Variants in CFAP58 observed in about 807,000 individuals in gnomAD.
The protein encoded by CFAP58 is cilia and flagella associated protein 58, also known as cilia- and flagella-associated protein 58.
A neutral mutation model predicts 119.5 loss-of-function variants in CFAP58; 88 were observed. The ratio of observed to expected loss-of-function variants is 0.74; its 90% confidence interval spans 0.62 to 0.88. The LOEUF (loss-of-function observed/expected upper bound fraction) is 0.88. Ranked by LOEUF, CFAP58 falls within the 40% of genes least tolerant of loss-of-function variation. The pLI is 0.00. For synonymous variants in CFAP58, 365 were observed against 366.3 expected, an observed-to-expected ratio of 1.00 and a Z score of 0.04; for missense variants, 990 against 1,021.2, an observed-to-expected ratio of 0.97 and a Z score of 0.42.
rs1408903631 is a variant in CFAP58 at position 104,454,807 on chromosome 10, C to A, written c.*277C>A. 3 of 324,586 alleles carry A rather than the reference C, an allele frequency of 9.2e-6. No homozygotes were observed. Among genetic ancestry groups the A allele is most frequent in the South Asian group, 1.4e-4 (2 of 13,850 alleles). The allele number at this position is 324,586 out of a possible 1,614,324, so 20.1% of individuals were successfully genotyped here. A position where few individuals can be genotyped will look rare whatever the true frequency, so the allele number is the denominator to read the frequency against. ...ACCCCATTGATTGAAATGTACTAGA[C>A]CTTAATTTCTTTATTACAGACATTG... On this transcript the variant is annotated 3_prime_UTR_variant, in exon 18 of 18. Coordinates refer to ENST00000369704, the MANE Select transcript of CFAP58 (RefSeq NM_001008723.2).
intron 5 of CFAP58, among the ~76,000 whole-genome samples, chr10:104,366,531 T>C (rs1210643284): frequency 6.6e-6 from 1 of 152,254 alleles, no homozygotes; most frequent in Non-Finnish European, 1.5e-5. Context: ...ATATTCTGTT[T>C]GTGAGATATA....
intron 9 of CFAP58, among the ~76,000 whole-genome samples, chr10:104,381,501 C>G (rs1334155160): frequency 6.6e-6 from 1 of 152,158 alleles, no homozygotes; most frequent in Non-Finnish European, 1.5e-5. Flanking sequence ...CATTTAATCA[C>G]CTTTTCTCCC....
At chr10:104,439,964 C>T (rs545085052) in intron 15 of CFAP58, among the ~76,000 whole-genome samples, 1 of 152,232 alleles carries the variant, frequency 6.6e-6, no homozygotes, top group East Asian at 1.9e-4. Flanking sequence ...GGACTACAGG[C>T]GCCCGCCACC....
In CFAP58 at chr10:104,454,578, C is replaced by G. The variant is rs766245402; in HGVS notation, c.*48C>G. 3 of 1,396,066 alleles carry G rather than the reference C, an allele frequency of 2.1e-6. No homozygotes were observed. Among genetic ancestry groups the G allele is most frequent in the Non-Finnish European group, 2.0e-6 (2 of 983,760 alleles). The allele number at this position is 1,396,066 out of a possible 1,614,324, so 86.5% of individuals were successfully genotyped here. A position where few individuals can be genotyped will look rare whatever the true frequency, so the allele number is the denominator to read the frequency against. ...AGTTGAACAACTCATGAAATCTGCT[C>G]TGGGACATTTTGGGGGAATCTCAAA... On this transcript the variant is annotated 3_prime_UTR_variant, in exon 18 of 18. Coordinates refer to ENST00000369704, the MANE Select transcript of CFAP58 (RefSeq NM_001008723.2).
At chr10:104,353,782 C>T (rs2014500761), upstream of CFAP58, 2 of 1,323,686 alleles carry the variant, frequency 1.5e-6, no homozygotes, top group Non-Finnish European at 2.1e-6. Flanking sequence ...CGCGGGTTTC[C>T]GCTCGGGGCG....
At chr10:104,411,777 C>T (rs1324956970) in intron 15 of CFAP58, among the ~76,000 whole-genome samples, 1 of 151,320 alleles carries the variant, frequency 6.6e-6, no homozygotes, top group African/African-American at 2.4e-5. Flanking sequence ...TTTTTTCCCC[C>T]ACCCAGAGCC....
chr10:104,388,764 G>T (rs1301975513), intron 9 of CFAP58, among the ~76,000 whole-genome samples: 5 of 152,174 alleles, frequency 3.3e-5, no homozygotes, highest in Non-Finnish European at 7.4e-5. Flanking sequence ...CAGTTTTCCT[G>T]TATGCGTTAT....
At chr10:104,369,969 G>T (rs952919650) in intron 6 of CFAP58, among the ~76,000 whole-genome samples, 1 of 152,100 alleles carries the variant, frequency 6.6e-6, no homozygotes, top group African/African-American at 2.4e-5. Context: ...TATTTTTGGG[G>T]ACTGTTTGCC....
At chr10:104,393,100 T>C (rs1427576902) in intron 10 of CFAP58, among the ~76,000 whole-genome samples, 1 of 152,236 alleles carries the variant, frequency 6.6e-6, no homozygotes, top group Non-Finnish European at 1.5e-5. Flanking sequence ...CGTGTGATGT[T>C]CATTATGCAT....
intron 16 of CFAP58, among the ~76,000 whole-genome samples, chr10:104,449,399 G>A (rs1328705007): frequency 6.6e-6 from 1 of 152,288 alleles, no homozygotes; most frequent in East Asian, 1.9e-4. Flanking sequence ...TTGGTGGGGA[G>A]CACACCCCAG....
intron 15 of CFAP58, among the ~76,000 whole-genome samples, 185 bp downstream of exon 15, chr10:104,406,978 G>A (rs574917740): frequency 6.6e-6 from 1 of 152,290 alleles, no homozygotes; most frequent in East Asian, 1.9e-4. Context: ...TGCGATCACT[G>A]ATATTTCAAG....
chr10:104,346,847 G>A, the CFAP58 span, among the ~76,000 whole-genome samples: 107 of 151,548 alleles, frequency 7.1e-4, no homozygotes, highest in Admixed American at 1.2e-3. Flanking sequence ...TGTTGGCCAC[G>A]CTGGTCTCAA....
At chr10:104,361,720 C>G (rs2014668309) in intron 2 of CFAP58, among the ~76,000 whole-genome samples, 1 of 152,150 alleles carries the variant, frequency 6.6e-6, no homozygotes, top group Non-Finnish European at 1.5e-5. Flanking sequence ...GGGTCTTGCC[C>G]TGTCATCCAG....
intron 14 of CFAP58, among the ~76,000 whole-genome samples, chr10:104,405,653 T>C (rs1278701813): frequency 6.6e-6 from 1 of 152,238 alleles, no homozygotes; most frequent in East Asian, 1.9e-4. Context: ...GATAATTCCA[T>C]TTCAGAGCTA....
chr10:104,407,285 GTCA>G (rs2089525530), intron 15 of CFAP58, among the ~76,000 whole-genome samples: 1 of 152,188 alleles, frequency 6.6e-6, no homozygotes, highest in Non-Finnish European at 1.5e-5. Context: ...AGGGCCAGCT[GTCA>G]TCATCATCAC....
chr10:104,421,304 C>A (rs956645241), intron 15 of CFAP58, among the ~76,000 whole-genome samples: 1 of 152,134 alleles, frequency 6.6e-6, no homozygotes, highest in African/African-American at 2.4e-5. Context: ...ACTCCTTTTC[C>A]CTTCCACCTC....
intron 9 of CFAP58, among the ~76,000 whole-genome samples, chr10:104,384,463 G>A (rs1188294068): frequency 1.3e-5 from 2 of 152,144 alleles, no homozygotes; most frequent in African/African-American, 4.8e-5. Flanking sequence ...AAAGAAAAAA[G>A]CAGCCTAATG....
the CFAP58 span, among the ~76,000 whole-genome samples, chr10:104,341,499 C>A: frequency 6.6e-6 from 1 of 151,438 alleles, no homozygotes; most frequent in Non-Finnish European, 1.5e-5. Flanking sequence ...TGAAAAAGTA[C>A]AGCTATAATA....
intron 15 of CFAP58, among the ~76,000 whole-genome samples, chr10:104,447,375 C>T (rs1257083871): frequency 1.3e-5 from 2 of 152,134 alleles, no homozygotes; most frequent in Non-Finnish European, 2.9e-5. Flanking sequence ...CTCCTCCAAC[C>T]AGAGTCAGTC....
Sources: allele counts gnomAD v4.1 joint callset (sites outside exome capture counted in the v4.1 genomes callset), GRCh38; gene constraint gnomAD v4.1.1; transcripts MANE v1.5; gene names NCBI Gene and HGNC (gene_info 2026-07-23, HGNC 2026-07-21).